Variants in NPC1 observed in about 807,000 individuals in gnomAD.
NPC1 encodes the protein NPC intracellular cholesterol transporter 1.
A neutral mutation model predicts 140.4 loss-of-function variants in NPC1; 85 were observed. The observed-to-expected ratio is 0.61, with a 90% confidence interval of 0.51 to 0.72. The LOEUF is 0.72. NPC1 is among the 30% of genes least tolerant of loss of function. The probability of loss-of-function intolerance (pLI) is 0.00; values close to 1 mark genes in which losing one functional copy is unlikely to be tolerated. For synonymous variants in NPC1, 656 were observed against 624.8 expected (o/e 1.05, Z -0.74); for missense variants, 1,504 against 1,623.8 (o/e 0.93, Z 1.27).
At chr18:23,513,091 T>C (rs867792874) in intron 3 of NPC1, among the ~76,000 whole-genome samples, 2 of 152,070 alleles carry the variant, frequency 1.3e-5, no homozygotes, top group Non-Finnish European at 2.9e-5. Flanking sequence ...ATAGCTGGGA[T>C]TACAGGTGTG....
At chr18:23,531,257 G>A (rs2058494890), downstream of NPC1, among the ~76,000 whole-genome samples, 1 of 152,074 alleles carries the variant, frequency 6.6e-6, no homozygotes, top group Non-Finnish European at 1.5e-5. Context: ...CCAAAGTGCT[G>A]GGATTACAGG....
At chr18:23,529,436 G>T, downstream of NPC1, 1 of 1,405,358 alleles carries the variant, frequency 7.1e-7, no homozygotes, top group Non-Finnish European at 9.5e-7. Flanking sequence ...AGGCCCTAGA[G>T]CTGGTAGTTT....
downstream of NPC1, among the ~76,000 whole-genome samples, chr18:23,519,435 T>C (rs1460631372): frequency 6.6e-6 from 1 of 152,070 alleles, no homozygotes; most frequent in Non-Finnish European, 1.5e-5. Flanking sequence ...GGAGGATGGC[T>C]TGAGCCCAGG....
chr18:23,554,611 A>G, intron 9 of NPC1, 147 bp downstream of exon 9: 1 of 668,228 alleles, frequency 1.5e-6, no homozygotes, highest in East Asian at 2.8e-5. Flanking sequence ...GTCTCAAAAA[A>G]AAAAAAAAAA....
intron 2 of NPC1, 26 bp from the exon 3 acceptor site, chr18:23,572,206 G>A (rs774184977): frequency 1.3e-5 from 20 of 1,500,832 alleles, no homozygotes; most frequent in Middle Eastern, 3.4e-4. Context: ...GCACAGACAC[G>A]GGAGTAGGCA....
intron 3 of NPC1, chr18:23,507,862 C>T: frequency 1.4e-6 from 1 of 720,018 alleles, no homozygotes. Context: ...TGGTTGTCTT[C>T]AGTTATTTTC....
intron 3 of NPC1, among the ~76,000 whole-genome samples, chr18:23,511,911 CAT>C (rs769970741): frequency 3.7e-4 from 56 of 151,984 alleles, no homozygotes; most frequent in African/African-American, 9.6e-4. Context: ...TTCTTCTAGA[CAT>C]GTGTATTTTC....
rs1376174647 is a variant in NPC1 at position 23,562,014 on chromosome 18, GCACGGTGGCTCA to G, written c.464-499_464-488del. On this transcript the variant is annotated intron_variant, in intron 4 of 24. Coordinates refer to ENST00000269228, the MANE Select transcript of NPC1 (RefSeq NM_000271.5). ...CAATAAACCTAATACTGTTGGCCGG[GCACGGTGGCTCA>G]CACCTGTAATTCCAGCACTCTGGGA... Among the ~76,000 whole-genome samples, 10 of 152,332 alleles carry G rather than the reference GCACGGTGGCTCA, an allele frequency of 6.6e-5. No homozygotes were observed. The East Asian group carries it at 1.9e-3, about 29-fold the overall frequency.
downstream of NPC1, among the ~76,000 whole-genome samples, chr18:23,521,691 CTCTCT>C (rs1371175210): frequency 4.2e-5 from 3 of 71,662 alleles, no homozygotes; most frequent in Non-Finnish European, 5.1e-5. Context: ...CACACACTCT[CTCTCT>C]TTTTTTTTTT....
intron 8 of NPC1, 102 bp downstream of exon 8, chr18:23,556,141 T>C: frequency 9.6e-7 from 1 of 1,044,238 alleles, no homozygotes; most frequent in Non-Finnish European, 1.5e-6. Context: ...AGATATACCA[T>C]GACATTCAGC....
chr18:23,568,851 T>G lies in NPC1; in HGVS notation c.435A>C (p.Gln145His), dbSNP rs746389947. ...TGGCAAAACTCTGTCCGACGTAGTA[T>G]TGTAACTCTTTCACATTTGTTTTCG... ...NQTKTNVKELQYYVGQSFANA... is the reference protein window; with the variant it reads ...NQTKTNVKELHYYVGQSFANA... The change falls in exon 4 of 25, where the codon CAA becomes CAC. Residue 145 changes from glutamine to histidine, a missense_variant. Coordinates refer to ENST00000269228, the MANE Select transcript of NPC1 (RefSeq NM_000271.5). 1.3e-5 allele frequency: 21 copies of G among 1,614,114 alleles called. No individual in the cohort carries two copies. Among genetic ancestry groups the G allele is most frequent in the Non-Finnish European group, 1.7e-5 (20 of 1,179,966 alleles).
At chr18:23,527,926 G>T, downstream of NPC1, 1 of 1,550,278 alleles carries the variant, frequency 6.5e-7, no homozygotes, top group Non-Finnish European at 8.9e-7. Flanking sequence ...GTATGACAAA[G>T]GGTCCTCCTC....
Position 23,544,492 on chromosome 18 carries a change from A to G in NPC1, c.1982T>C (p.Ile661Thr). 6.2e-7 allele frequency: 1 copy of G among 1,614,210 alleles called. No individual in the cohort carries two copies. Among genetic ancestry groups the G allele is most frequent in the Non-Finnish European group, 8.5e-7 (1 of 1,180,038 alleles). The change falls in exon 13 of 25, where the codon ATC becomes ACC. Residue 661 changes from isoleucine to threonine, a missense_variant. Coordinates refer to ENST00000269228, the MANE Select transcript of NPC1 (RefSeq NM_000271.5). Reference sequence around the variant, plus strand: ...AGCCACCGAGCTCAGCACGATCAAGATGCCCGCGATGCCTAGTGAGACCTT... The same window carrying G: ...AGCCACCGAGCTCAGCACGATCAAGGTGCCCGCGATGCCTAGTGAGACCTT... ...DSKVSLGIAG[I>T]LIVLSSVACS...
chr18:23,535,607 G>C lies in NPC1; in HGVS notation c.3339C>G (p.Thr1113=), dbSNP rs1405351357. ...AGAGCTCACAGCCCAGGAGGACCAT[G>C]GTCACCAGAAATATCGCGCCCAGGG... ...GVSLGAIFLV[T]MVLLGCELWS... The change falls in exon 22 of 25, where the codon ACC becomes ACG. Residue 1113 remains threonine (T), a synonymous_variant. Transcript: ENST00000269228. 1 of 1,614,002 alleles carries C rather than the reference G, an allele frequency of 6.2e-7. No individual in the cohort carries two copies. Among genetic ancestry groups the C allele is most frequent in the African/African-American group, 1.3e-5 (1 of 74,904 alleles).
chr18:23,522,934 T>C (rs964158443), intron 1 of NPC1: 6 of 152,312 alleles, frequency 3.9e-5, no homozygotes, highest in Non-Finnish European at 5.9e-5. Flanking sequence ...ACCAGCACTT[T>C]TGGGAAGAGT....
intron 1 of NPC1, among the ~76,000 whole-genome samples, chr18:23,523,224 C>G (rs1029731383): frequency 2.6e-5 from 4 of 152,064 alleles, no homozygotes; most frequent in Non-Finnish European, 5.9e-5. Flanking sequence ...TGAAACCTGC[C>G]TTCTGATTGT....
chr18:23,543,931 G>A (rs985873205), intron 13 of NPC1, among the ~76,000 whole-genome samples: 9 of 152,174 alleles, frequency 5.9e-5, no homozygotes, highest in African/African-American at 2.2e-4. Flanking sequence ...CGGGACACGT[G>A]TTGACCTTTT....
Position 23,586,441 on chromosome 18 carries a change from AGGAGGAGC to A in NPC1, c.-106_-99del. The A allele has an allele frequency of 1.3e-6, 2 of 1,509,816 alleles. No individual in the cohort carries two copies. Among genetic ancestry groups the A allele is most frequent in the Non-Finnish European group, 8.8e-7 (1 of 1,135,260 alleles). The allele number at this position is 1,509,816 out of a possible 1,614,324, so 93.5% of individuals were successfully genotyped here. A position where few individuals can be genotyped will look rare whatever the true frequency, so the allele number is the denominator to read the frequency against. On this transcript the variant is annotated 5_prime_UTR_variant, in exon 1 of 25. Coordinates refer to ENST00000269228, the MANE Select transcript of NPC1 (RefSeq NM_000271.5). ...CCCGGGCTGTTTCAGCACCCCGCGC[AGGAGGAGC>A]GGAGGAGCAGGAGCAGGCGCTGACC... is the stretch of plus-strand genomic sequence containing the variant.
intron 1 of NPC1, chr18:23,524,093 G>A: frequency 6.2e-7 from 1 of 1,610,192 alleles, no homozygotes; most frequent in Non-Finnish European, 8.5e-7. Flanking sequence ...AGCATTTTCT[G>A]ACTGCATCGT....
Sources: allele counts gnomAD v4.1 joint callset (sites outside exome capture counted in the v4.1 genomes callset), GRCh38; gene constraint gnomAD v4.1.1; transcripts MANE v1.5; gene names NCBI Gene and HGNC (gene_info 2026-07-23, HGNC 2026-07-21).